Variants in ASIC2 observed in about 807,000 individuals in gnomAD.
ASIC2 encodes acid-sensing ion channel 2.
ASIC2 carries 25 observed loss-of-function variants against 57.3 expected under a neutral mutation model. The observed-to-expected ratio is 0.44, with a 90% confidence interval of 0.32 to 0.61. The LOEUF (loss-of-function observed/expected upper bound fraction) is 0.61, where lower values mean the gene tolerates loss of function less well. Ranked by LOEUF, ASIC2 falls within the 20% of genes least tolerant of loss-of-function variation. The pLI, the probability that ASIC2 is intolerant of heterozygous loss-of-function variation, is 0.06. For missense variants in ASIC2, 641 were observed against 738.1 expected (o/e 0.87, Z 1.52); for synonymous variants, 319 against 307.5 (o/e 1.04, Z -0.39).
chr17:33,647,458 G>T (rs1335147386), intron 1 of ASIC2, among the ~76,000 whole-genome samples: 1 of 152,172 alleles, frequency 6.6e-6, no homozygotes, highest in Non-Finnish European at 1.5e-5. Context: ...ACGCAGGAGA[G>T]AACTCTGCTG....
chr17:33,328,599 G>T (rs956201303), intron 1 of ASIC2, among the ~76,000 whole-genome samples: 1 of 152,106 alleles, frequency 6.6e-6, no homozygotes, highest in East Asian at 1.9e-4. Flanking sequence ...GGGTACATGC[G>T]ATACTTGCTT....
chr17:34,099,825 C>T (rs896840006), intron 1 of ASIC2, among the ~76,000 whole-genome samples: 2 of 151,562 alleles, frequency 1.3e-5, no homozygotes, highest in African/African-American at 4.9e-5. Flanking sequence ...CATAGTATTC[C>T]GAAGGCTGCA....
chr17:33,325,728 C>A (rs2142220314), intron 1 of ASIC2, among the ~76,000 whole-genome samples: 1 of 152,178 alleles, frequency 6.6e-6, no homozygotes, highest in Admixed American at 6.5e-5. Context: ...GGTAGAAGAT[C>A]ATGGCTATAA....
At chr17:33,427,689 G>T (rs547033062) in intron 1 of ASIC2, among the ~76,000 whole-genome samples, 1 of 152,304 alleles carries the variant, frequency 6.6e-6, no homozygotes, top group Non-Finnish European at 1.5e-5. Context: ...GCCCCAAAGG[G>T]ACTAGAAGCA....
chr17:33,610,054 G>GCGCGCGCACACACA (rs375575593), intron 1 of ASIC2, among the ~76,000 whole-genome samples: 258 of 144,846 alleles, frequency 1.8e-3, no homozygotes, highest in African/African-American at 6.5e-3. Context: ...GGACAGAGGC[G>GCGCGCGCACACACA]CACACACACA....
At chr17:33,826,263 G>A (rs1038263487) in intron 1 of ASIC2, among the ~76,000 whole-genome samples, 6 of 152,316 alleles carry the variant, frequency 3.9e-5, no homozygotes, top group African/African-American at 2.4e-5. Flanking sequence ...TAGAGCTTAC[G>A]TAAGCATAGT....
intron 1 of ASIC2, among the ~76,000 whole-genome samples, chr17:33,721,186 G>T (rs1909378023): frequency 6.6e-6 from 1 of 152,168 alleles, no homozygotes; most frequent in Non-Finnish European, 1.5e-5. Context: ...ATAACTTGTT[G>T]CACAGTCTCT....
chr17:33,723,283 A>G (rs1222505116), intron 1 of ASIC2, among the ~76,000 whole-genome samples: 1 of 152,216 alleles, frequency 6.6e-6, no homozygotes, highest in African/African-American at 2.4e-5. Flanking sequence ...GGATGATTTC[A>G]TTCCAAACAC....
intron 1 of ASIC2, among the ~76,000 whole-genome samples, chr17:33,351,444 T>C (rs907789339): frequency 2.0e-5 from 3 of 152,202 alleles, no homozygotes; most frequent in Admixed American, 1.3e-4. Flanking sequence ...CAGGTTGAGA[T>C]GTTTCCCCAC....
intron 1 of ASIC2, chr17:34,038,398 T>G: frequency 3.1e-6 from 5 of 1,611,996 alleles, no homozygotes; most frequent in Middle Eastern, 2.1e-4. Context: ...GAATCCGGTA[T>G]TCCCTACATG....
intron 3 of ASIC2, among the ~76,000 whole-genome samples, chr17:33,037,533 C>T (rs758982420): frequency 6.9e-6 from 1 of 145,690 alleles, no homozygotes; most frequent in Non-Finnish European, 1.5e-5. Context: ...TGCACAGCAC[C>T]GACTCTTGCT....
chr17:33,639,398 A>T (rs1225979984), intron 1 of ASIC2, among the ~76,000 whole-genome samples: 1 of 152,158 alleles, frequency 6.6e-6, no homozygotes, highest in Non-Finnish European at 1.5e-5. Flanking sequence ...TCCATGGTCC[A>T]TGTGAACTTT....
At chr17:33,393,241 A>C (rs1205728836) in intron 1 of ASIC2, among the ~76,000 whole-genome samples, 2 of 152,154 alleles carry the variant, frequency 1.3e-5, no homozygotes, top group East Asian at 1.9e-4. Context: ...AATGTACCTT[A>C]ATGACTTATC....
chr17:33,559,943 A>G (rs1031255916), intron 1 of ASIC2, among the ~76,000 whole-genome samples: 2 of 152,228 alleles, frequency 1.3e-5, no homozygotes, highest in Non-Finnish European at 2.9e-5. Context: ...ATAGTGAACT[A>G]TTTGGTGAAA....
chr17:33,920,412 T>C (rs918975391), intron 1 of ASIC2, among the ~76,000 whole-genome samples: 10 of 152,144 alleles, frequency 6.6e-5, no homozygotes, highest in Non-Finnish European at 1.2e-4. Flanking sequence ...TGCAGCAACA[T>C]GGATGCAGGT....
intron 1 of ASIC2, among the ~76,000 whole-genome samples, chr17:34,077,465 T>C (rs142692618): frequency 1.6e-3 from 241 of 152,362 alleles, no homozygotes; most frequent in Admixed American, 2.7e-3. Context: ...ACGTTTTGTC[T>C]GGCTAAGCTT....
chr17:34,129,554 T>A (rs1470307724), intron 1 of ASIC2, among the ~76,000 whole-genome samples: 1 of 152,186 alleles, frequency 6.6e-6, no homozygotes, highest in African/African-American at 2.4e-5. Context: ...AAAATTATTC[T>A]CTAGAGTGTT....
chr17:33,328,388 G>A (rs574194689), intron 1 of ASIC2, among the ~76,000 whole-genome samples: 2 of 152,202 alleles, frequency 1.3e-5, no homozygotes, highest in South Asian at 4.2e-4. Flanking sequence ...ATCACGAGCC[G>A]GATCAAAGCT....
intron 1 of ASIC2, among the ~76,000 whole-genome samples, chr17:33,627,923 G>A (rs1044994194): frequency 7.9e-5 from 12 of 152,110 alleles, no homozygotes; most frequent in African/African-American, 1.7e-4. Context: ...CCAGCTACTC[G>A]GGAGGCTGAG....
Sources: gnomAD v4.1 joint callset for allele counts (sites outside exome capture counted in the v4.1 genomes callset) on GRCh38, gnomAD v4.1.1 for gene constraint, MANE v1.5 for transcripts, NCBI Gene and HGNC (gene_info 2026-07-23, HGNC 2026-07-21) for gene names.